The following NCOR2 variants were observed in gnomAD, a reference collection of about 807,000 sequenced individuals.
The protein encoded by NCOR2 is CTG repeat protein 26.
NCOR2 carries 81 observed loss-of-function variants against 262.9 expected under a neutral mutation model. That is an observed-to-expected ratio of 0.31 (90% CI 0.26 to 0.37). NCOR2 has a LOEUF of 0.37. NCOR2 is among the 10% of genes least tolerant of loss of function. NCOR2 has a pLI of 1.00. For synonymous variants in NCOR2, 1,659 were observed against 1,559.3 expected (o/e 1.06, Z -1.51); for missense variants, 3,385 against 3,621.4 (o/e 0.93, Z 1.68).
At chr12:124,441,874 A>G (rs1341002007) in intron 7 of NCOR2, among the ~76,000 whole-genome samples, 2 of 152,216 alleles carry the variant, frequency 1.3e-5, no homozygotes, top group Admixed American at 6.5e-5. Context: ...CCACCATCCC[A>G]GTCTTACCAG....
At chr12:124,343,465 C>T (rs2036625844) in intron 32 of NCOR2, among the ~76,000 whole-genome samples, 1 of 152,218 alleles carries the variant, frequency 6.6e-6, no homozygotes. Context: ...GATGCAGCCT[C>T]TACTACGTGG....
intron 13 of NCOR2, among the ~76,000 whole-genome samples, chr12:124,404,021 C>T (rs1298046067): frequency 1.3e-5 from 2 of 152,238 alleles, no homozygotes; most frequent in Non-Finnish European, 2.9e-5. Flanking sequence ...AACAGGTGCC[C>T]GGCATCCTGG....
At chr12:124,534,533 T>C (rs2051020037) in intron 1 of NCOR2, among the ~76,000 whole-genome samples, 1 of 152,204 alleles carries the variant, frequency 6.6e-6, no homozygotes, top group African/African-American at 2.4e-5. Context: ...CAGAATGTCG[T>C]TATGCAGCAC....
At chr12:124,374,766 T>C (rs1387830924) in intron 18 of NCOR2, among the ~76,000 whole-genome samples, 1 of 152,222 alleles carries the variant, frequency 6.6e-6, no homozygotes, top group African/African-American at 2.4e-5. Flanking sequence ...ACTCTGGGTG[T>C]CCTTGCCCTA....
At chr12:124,449,866 G>A (rs1181469280) in exon 7 of NCOR2, 4 of 1,613,940 alleles carry the variant, frequency 2.5e-6, no homozygotes, top group East Asian at 2.2e-5. Context: ...GTTGTACAGC[G>A]GCTGCAAAGG....
intron 1 of NCOR2, chr12:124,513,827 C>T (rs2049557659): frequency 6.6e-6 from 1 of 152,194 alleles, no homozygotes; most frequent in African/African-American, 2.4e-5. Context: ...AGGGGTAGCT[C>T]TCTTGGGATG....
chr12:124,396,804 G>A (rs1381047853), intron 16 of NCOR2, among the ~76,000 whole-genome samples: 2 of 152,162 alleles, frequency 1.3e-5, no homozygotes, highest in African/African-American at 4.8e-5. Context: ...CTACAGTGGA[G>A]GACGGGGCCG....
At chr12:124,340,469 C>A in intron 35 of NCOR2, 26 bp from the exon 38 acceptor site, 2 of 1,607,200 alleles carry the variant, frequency 1.2e-6, no homozygotes, top group Non-Finnish European at 8.5e-7. Context: ...GCCAGAGACT[C>A]AGCCCCAGGG....
chr12:124,543,445 C>G (rs922376031), intron 1 of NCOR2, among the ~76,000 whole-genome samples: 1 of 152,244 alleles, frequency 6.6e-6, no homozygotes, highest in Admixed American at 6.5e-5. Context: ...CAGACCCACA[C>G]GGGGTTACCT....
exon 43 of NCOR2, chr12:124,332,358 T>C: frequency 1.2e-6 from 2 of 1,614,208 alleles, no homozygotes; most frequent in Non-Finnish European, 1.7e-6. Flanking sequence ...TTCAGCTTCT[T>C]GTTGATCTCT....
chr12:124,529,179 C>CAAA (rs148397454), intron 1 of NCOR2, among the ~76,000 whole-genome samples: 668 of 51,652 alleles, frequency 0.013, 2 homozygotes, highest in Middle Eastern at 0.031. Context: ...AACTCCGACT[C>CAAA]AAAAAAAAAA....
Position 124,344,583 on chromosome 12 carries a change from C to A in NCOR2, c.4714+14G>T. 1 of 1,443,044 alleles carries A rather than the reference C, an allele frequency of 6.9e-7. No individual in the cohort carries two copies. The highest frequency in any genetic ancestry group is 2.8e-5 in the Admixed American group (1 of 35,832). 89.4% of individuals were successfully genotyped at this position (1,443,044 alleles called of 1,614,324 possible). On this transcript the variant is annotated intron_variant, in intron 32 of 46. Coordinates refer to ENST00000405201, the Ensembl canonical transcript of NCOR2. Reference sequence around the variant, plus strand: ...GGCGCCCACCCCACTCACGCCCATGCACACCCCACTCACCCTCCTGCAGGC... The same window carrying A: ...GGCGCCCACCCCACTCACGCCCATGAACACCCCACTCACCCTCCTGCAGGC...
At chr12:124,366,495 A>G (rs75049364) in intron 20 of NCOR2, among the ~76,000 whole-genome samples, 3,065 of 152,164 alleles carry the variant, frequency 0.02, 105 homozygotes, top group African/African-American at 0.071. Flanking sequence ...AACACTGAAT[A>G]TACTAAGAAG....
intron 1 of NCOR2, among the ~76,000 whole-genome samples, chr12:124,544,891 C>A (rs568740371): frequency 6.6e-6 from 1 of 152,124 alleles, no homozygotes; most frequent in Admixed American, 6.6e-5. Flanking sequence ...AGTTTCCTCT[C>A]GGTGAAACGG....
At chr12:124,469,938 G>A (rs906772990) in intron 4 of NCOR2, among the ~76,000 whole-genome samples, 1 of 152,126 alleles carries the variant, frequency 6.6e-6, no homozygotes, top group Non-Finnish European at 1.5e-5. Flanking sequence ...GGCCAAGGTG[G>A]GCAGATCACT....
exon 29 of NCOR2, chr12:124,348,191 G>A (rs570066332): frequency 1.2e-6 from 2 of 1,611,894 alleles, no homozygotes; most frequent in South Asian, 1.1e-5. Context: ...GCTGGCTGAG[G>A]AGATGGCTCT....
chr12:124,449,479 G>A (rs1325028321), intron 7 of NCOR2, among the ~76,000 whole-genome samples: 2 of 152,164 alleles, frequency 1.3e-5, no homozygotes, highest in African/African-American at 2.4e-5. Context: ...CCTTCTGCCC[G>A]CAACAGCTCC....
At chr12:124,334,845 C>T (rs879492714) in intron 40 of NCOR2, 2 of 603,872 alleles carry the variant, frequency 3.3e-6, no homozygotes, top group Admixed American at 6.0e-5. Flanking sequence ...CTGATGAGAC[C>T]AGCCCATGAC....
rs146503682 is a variant in NCOR2 at position 124,531,492 on chromosome 12, G to GGGA, written c.-118+4070_-118+4072dup. On this transcript the variant is annotated intron_variant, in intron 1 of 46. Transcript: ENST00000404621. The surrounding 1 kb of genome is among the most constrained non-coding windows in gnomAD (Gnocchi z 4.5). ...TGAGGGTGGCCTGTGGGGAGAAGGA[G>GGGA]GGAGGAGAAGGAGGGGTAGGGAGCA... 0.1 allele frequency among the ~76,000 whole-genome samples: 15,824 copies of GGGA among 152,150 alleles called. 2,278 individuals carry two copies. Among genetic ancestry groups the GGGA allele is most frequent in the African/African-American group, 0.33 (13,503 of 41,420 alleles).
Sources: gnomAD v4.1 joint callset for allele counts (sites outside exome capture counted in the v4.1 genomes callset) on GRCh38, gnomAD v4.1.1 for gene constraint, Gnocchi (gnomAD v3.1) non-coding constraint, MANE v1.5 for transcripts, NCBI Gene and HGNC (gene_info 2026-07-23, HGNC 2026-07-21) for gene names.